Variants in NECTIN2 observed in about 807,000 individuals in gnomAD.
NECTIN2 encodes nectin cell adhesion molecule 2.
In NECTIN2, 23 loss-of-function variants were observed where a neutral mutation model predicts 56.9. The ratio of observed to expected loss-of-function variants is 0.40; its 90% CI spans 0.29 to 0.57. The LOEUF is 0.57. Among genes scored for constraint, NECTIN2 ranks in the 20% least tolerant of loss-of-function variants. The probability of loss-of-function intolerance (pLI) is 0.38; values close to 1 mark genes in which losing one functional copy is unlikely to be tolerated. For synonymous variants in NECTIN2, 302 were observed against 313.8 expected (o/e 0.96, Z 0.40); for missense variants, 587 against 718.3 (o/e 0.82, Z 2.09).
Position 44,846,620 on chromosome 19 carries a change from C to A in NECTIN2, c.88+7C>A, listed in dbSNP as rs1171999835. On this transcript the variant is annotated splice_region_variant and intron_variant, in intron 1 of 8. Transcript: ENST00000252483. The stretch of plus-strand genomic sequence containing the variant: ...CTGCTGCTCCTGGAAACCGGTGAGA[C>A]GAGCGGACGGCCCCCTGCCCTCGCG... 2.6e-6 allele frequency: 4 copies of A among 1,524,364 alleles called. No individual in the cohort carries two copies. The highest frequency in any genetic ancestry group is 2.0e-5 in the Admixed American group (1 of 50,496). The allele number at this position is 1,524,364 out of a possible 1,614,324, so 94.4% of individuals were successfully genotyped here. A position where few individuals can be genotyped will look rare whatever the true frequency, so the allele number is the denominator to read the frequency against.
intron 6 of NECTIN2, 80 bp downstream of exon 6, chr19:44,882,444 A>G: frequency 4.0e-6 from 5 of 1,243,922 alleles, no homozygotes; most frequent in Non-Finnish European, 1.0e-6. Flanking sequence ...GGGTGGGAGA[A>G]AATTCTCCAT....
At chr19:44,851,463 A>G (rs1056200427) in intron 1 of NECTIN2, among the ~76,000 whole-genome samples, 6 of 150,030 alleles carry the variant, frequency 4.0e-5, no homozygotes, top group Non-Finnish European at 7.4e-5. Context: ...CAAGCCCCCA[A>G]CCTCTCCTCC....
chr19:44,878,440 C>G (rs761022755), intron 5 of NECTIN2: 1 of 1,592,450 alleles, frequency 6.3e-7, no homozygotes, highest in Non-Finnish European at 8.6e-7. Context: ...ATGGGGACCC[C>G]GTCTTCTGGA....
Position 44,861,537 on chromosome 19 carries a change from A to AG in NECTIN2, c.89-3733dup, listed in dbSNP as rs558558988. 1.5e-4 allele frequency among the ~76,000 whole-genome samples: 23 copies of AG among 152,240 alleles called. 1 individual carries two copies. Among genetic ancestry groups the AG allele is most frequent in the Non-Finnish European group, 1.9e-4 (13 of 68,036 alleles). On this transcript the variant is annotated intron_variant, in intron 1 of 8. Coordinates refer to ENST00000252483, the MANE Select transcript of NECTIN2 (RefSeq NM_001042724.2). ...TAATTAAACTAAAAAGCTTCTGCAC[A>AG]GCAAAAGAAACTATCCTCAGAGTGA...
intron 1 of NECTIN2, among the ~76,000 whole-genome samples, chr19:44,851,667 G>C (rs1217613698): frequency 6.6e-6 from 1 of 152,220 alleles, no homozygotes; most frequent in African/African-American, 2.4e-5. Context: ...TGGGGACCCA[G>C]CTCACACTTC....
chr19:44,878,374 AGGAGGAGCCAGTGGCGAC>A (rs1266373610), intron 5 of NECTIN2: 1 of 1,554,264 alleles, frequency 6.4e-7, no homozygotes, highest in East Asian at 2.4e-5. Flanking sequence ...GAGGAGCAGG[AGGAGGAGCCAGTGGCGAC>A]GGGGGATTCT....
intron 5 of NECTIN2, chr19:44,881,999 T>G: frequency 2.5e-6 from 1 of 396,294 alleles, no homozygotes; most frequent in Non-Finnish European, 4.4e-6. Flanking sequence ...GGTAGACACT[T>G]TGTATGTTTT....
At chr19:44,866,762 T>C (rs1969105958) in intron 2 of NECTIN2, among the ~76,000 whole-genome samples, 1 of 152,026 alleles carries the variant, frequency 6.6e-6, no homozygotes, top group Non-Finnish European at 1.5e-5. Context: ...ATAAGAGCTG[T>C]AGTAGGTTCT....
At chr19:44,867,013 C>CA (rs903914131) in intron 2 of NECTIN2, among the ~76,000 whole-genome samples, 28 of 150,700 alleles carry the variant, frequency 1.9e-4, no homozygotes, top group South Asian at 2.1e-4. Flanking sequence ...GTCTCAATGA[C>CA]AAAAAAAATT....
intron 5 of NECTIN2, among the ~76,000 whole-genome samples, chr19:44,877,100 CT>C (rs1451198661): frequency 6.6e-6 from 1 of 152,110 alleles, no homozygotes; most frequent in African/African-American, 2.4e-5. Context: ...TTTTATCCTC[CT>C]TTTTTTAATG....
intron 5 of NECTIN2, among the ~76,000 whole-genome samples, chr19:44,876,213 A>C (rs1969235204): frequency 6.6e-6 from 1 of 152,144 alleles, no homozygotes; most frequent in African/African-American, 2.4e-5. Context: ...AATGAGCCAC[A>C]GTCCCTGCCC....
intron 5 of NECTIN2, among the ~76,000 whole-genome samples, chr19:44,880,511 G>A (rs1487533355): frequency 1.7e-5 from 2 of 115,502 alleles, no homozygotes; most frequent in African/African-American, 3.5e-5. Flanking sequence ...TTTTTGAGAC[G>A]GTGTCTAGCT....
rs755703521 is a variant in NECTIN2 at position 44,874,042 on chromosome 19, C to T, written c.893+9C>T. Reference sequence around the variant, plus strand: ...GGCTATGACTGGAGCACGTGAGTCACGTGGTCTCAGAACCCTGGGTCTGAG... The same window carrying T: ...GGCTATGACTGGAGCACGTGAGTCATGTGGTCTCAGAACCCTGGGTCTGAG... On this transcript the variant is annotated intron_variant, in intron 4 of 8. Transcript: ENST00000252483. The surrounding 1 kb of genome is among the most constrained non-coding windows in gnomAD (Gnocchi z 6.3). 5.1e-5 allele frequency: 82 copies of T among 1,603,442 alleles called. No homozygotes were observed. The highest frequency in any genetic ancestry group is 6.3e-5 in the Non-Finnish European group (74 of 1,171,536).
chr19:44,881,928 C>G (rs1476688222), intron 5 of NECTIN2: 1 of 286,086 alleles, frequency 3.5e-6, no homozygotes, highest in East Asian at 5.9e-5. Context: ...GGCATGTGAG[C>G]TATTGTACTG....
intron 1 of NECTIN2, among the ~76,000 whole-genome samples, chr19:44,861,553 C>T (rs1209039937): frequency 2.0e-5 from 3 of 152,120 alleles, no homozygotes; most frequent in African/African-American, 7.2e-5. Flanking sequence ...AGAAACTATC[C>T]TCAGAGTGAA....
At chr19:44,857,520 GC>G (rs966285413) in intron 1 of NECTIN2, among the ~76,000 whole-genome samples, 50 of 144,874 alleles carry the variant, frequency 3.5e-4, no homozygotes, top group African/African-American at 1.1e-3. Context: ...TCCTGCCTCA[GC>G]CCCCCTAGCA....
At chr19:44,887,177 C>A (rs1317662835) in intron 8 of NECTIN2, among the ~76,000 whole-genome samples, 5 of 151,926 alleles carry the variant, frequency 3.3e-5, no homozygotes. Context: ...AGGTGAAACC[C>A]CTTCTCTACT....
chr19:44,886,549 C>T (rs955219680), intron 8 of NECTIN2, among the ~76,000 whole-genome samples: 6 of 151,342 alleles, frequency 4.0e-5, no homozygotes, highest in Non-Finnish European at 8.8e-5. Flanking sequence ...GGTGAAACCC[C>T]GTCTCTACTC....
At chr19:44,867,381 C>G (rs975601276) in intron 2 of NECTIN2, among the ~76,000 whole-genome samples, 2 of 152,180 alleles carry the variant, frequency 1.3e-5, no homozygotes, top group Non-Finnish European at 2.9e-5. Context: ...GTAATTTCAG[C>G]TACTCGAGAG....
Sources: gnomAD v4.1 joint callset for allele counts (sites outside exome capture counted in the v4.1 genomes callset) on GRCh38, gnomAD v4.1.1 for gene constraint, Gnocchi (gnomAD v3.1) non-coding constraint, MANE v1.5 for transcripts, NCBI Gene and HGNC (gene_info 2026-07-23, HGNC 2026-07-21) for gene names.